The following FRMD4B variants were observed in gnomAD, a reference collection of about 807,000 sequenced individuals.
FRMD4B encodes the protein FERM domain containing 4B.
A neutral mutation model predicts 141.5 loss-of-function variants in FRMD4B; 74 were observed. The observed-to-expected ratio is 0.52, with a 90% CI of 0.43 to 0.63. The LOEUF (loss-of-function observed/expected upper bound fraction) is 0.63. Ranked by LOEUF, FRMD4B falls within the 30% of genes least tolerant of loss-of-function variation. FRMD4B has a pLI of 0.00. For missense variants in FRMD4B, 1,366 were observed against 1,253.4 expected (o/e 1.09, Z -1.36); for synonymous variants, 506 against 467.9 (o/e 1.08, Z -1.05).
intron 1 of FRMD4B, chr3:69,376,964 A>C (rs1703988259): frequency 6.6e-6 from 1 of 152,066 alleles, no homozygotes; most frequent in Non-Finnish European, 1.5e-5. Context: ...ATGGAATGTG[A>C]AAAACAAACA....
chr3:69,346,924 T>C (rs551763256), intron 1 of FRMD4B, among the ~76,000 whole-genome samples: 1 of 152,242 alleles, frequency 6.6e-6, no homozygotes, highest in East Asian at 1.9e-4. Flanking sequence ...CTGCATCAAC[T>C]AACGAGCAAA....
intron 3 of FRMD4B, among the ~76,000 whole-genome samples, chr3:69,310,101 T>C (rs1701527436): frequency 6.6e-6 from 1 of 152,182 alleles, no homozygotes; most frequent in African/African-American, 2.4e-5. Flanking sequence ...TTCTGCCTTG[T>C]TGAGCCCTCT....
intron 7 of FRMD4B, among the ~76,000 whole-genome samples, chr3:69,243,033 T>C (rs2093398033): frequency 6.7e-6 from 1 of 150,304 alleles, no homozygotes; most frequent in Non-Finnish European, 1.5e-5. Flanking sequence ...TACAAACTCA[T>C]TTGTGGCTGG....
intron 1 of FRMD4B, among the ~76,000 whole-genome samples, chr3:69,371,579 A>C (rs1370881514): frequency 6.6e-6 from 1 of 152,164 alleles, no homozygotes; most frequent in Non-Finnish European, 1.5e-5. Context: ...ACCAGTTAGG[A>C]AGCTATTGCA....
intron 4 of FRMD4B, among the ~76,000 whole-genome samples, chr3:69,301,262 A>G (rs576423328): frequency 6.6e-6 from 1 of 152,324 alleles, no homozygotes; most frequent in African/African-American, 2.4e-5. Context: ...GAGGGCTTTC[A>G]GCTCAATCAG....
At chr3:69,183,680 C>T (rs1215793889) in intron 19 of FRMD4B, among the ~76,000 whole-genome samples, 1 of 151,776 alleles carries the variant, frequency 6.6e-6, no homozygotes, top group Non-Finnish European at 1.5e-5. Context: ...GACAGGGTTT[C>T]ACCTTGTTAG....
intron 1 of FRMD4B, among the ~76,000 whole-genome samples, chr3:69,331,752 T>C (rs1227776168): frequency 1.3e-5 from 2 of 152,102 alleles, no homozygotes; most frequent in Admixed American, 1.3e-4. Flanking sequence ...CTATAAATGG[T>C]AATATTAATA....
At chr3:69,193,416 G>A (rs2092862260) in intron 17 of FRMD4B, among the ~76,000 whole-genome samples, 1 of 152,164 alleles carries the variant, frequency 6.6e-6, no homozygotes, top group Non-Finnish European at 1.5e-5. Flanking sequence ...GCTGAGGCAG[G>A]ACAATCACTT....
At chr3:69,264,010 A>G (rs571054681) in intron 5 of FRMD4B, among the ~76,000 whole-genome samples, 36 of 151,120 alleles carry the variant, frequency 2.4e-4, no homozygotes, top group Admixed American at 1.3e-3. Context: ...ATTTTTAGAG[A>G]CTGGGTTTTG....
intron 2 of FRMD4B, among the ~76,000 whole-genome samples, chr3:69,403,338 C>G (rs754243608): frequency 1.3e-5 from 2 of 152,216 alleles, no homozygotes; most frequent in African/African-American, 2.4e-5. Flanking sequence ...AGTATTCTCA[C>G]TGTCCCCATT....
At chr3:69,362,545 C>T (rs527996449) in intron 1 of FRMD4B, among the ~76,000 whole-genome samples, 4 of 152,168 alleles carry the variant, frequency 2.6e-5, no homozygotes, top group East Asian at 3.9e-4. Flanking sequence ...GGCACGGTGG[C>T]GCATGCCTGT....
chr3:69,397,463 G>A (rs1257380838), intron 2 of FRMD4B, among the ~76,000 whole-genome samples: 1 of 152,176 alleles, frequency 6.6e-6, no homozygotes, highest in Non-Finnish European at 1.5e-5. Context: ...CTTTAAAAGA[G>A]TGAATTTTAT....
intron 1 of FRMD4B, among the ~76,000 whole-genome samples, chr3:69,343,583 T>TG (rs1559818219): frequency 2.3e-5 from 1 of 42,854 alleles, no homozygotes; most frequent in African/African-American, 8.8e-5. Context: ...TTTTGTTTTT[T>TG]TTTTTTTTTT....
intron 11 of FRMD4B, among the ~76,000 whole-genome samples, chr3:69,202,797 G>A (rs2092982279): frequency 6.6e-6 from 1 of 152,128 alleles, no homozygotes; most frequent in South Asian, 2.1e-4. Flanking sequence ...AAAGAAGGAT[G>A]TAGAGAGTGA....
At chr3:69,464,181 A>G (rs1705747810) in intron 1 of FRMD4B, among the ~76,000 whole-genome samples, 1 of 152,368 alleles carries the variant, frequency 6.6e-6, no homozygotes, top group African/African-American at 2.4e-5. Flanking sequence ...ACTGATTTGT[A>G]TTAAACTTTT....
chr3:69,261,066 T>C (rs892089376), intron 5 of FRMD4B, among the ~76,000 whole-genome samples: 1 of 152,198 alleles, frequency 6.6e-6, no homozygotes, highest in Non-Finnish European at 1.5e-5. Context: ...CAGAGCCAGA[T>C]TTCGCAACCT....
chr3:69,329,250 A>G (rs1702281905), intron 1 of FRMD4B, among the ~76,000 whole-genome samples: 1 of 152,210 alleles, frequency 6.6e-6, no homozygotes, highest in South Asian at 2.1e-4. Context: ...ACTATTTTAA[A>G]TCTCTAAAAT....
intron 5 of FRMD4B, among the ~76,000 whole-genome samples, chr3:69,267,636 TAGAGAGAGAGAGAGAGAGAG>T (rs55659743): frequency 2.8e-3 from 93 of 32,920 alleles, no homozygotes; most frequent in Non-Finnish European, 3.4e-3. Context: ...TATATATATA[TAGAGAGAGAGAGAGAGAGAG>T]AGAGAGAGAG....
rs2093451481 is a variant in FRMD4B, at chr3:69,250,060, C to T, written c.541G>A (p.Ala181Thr). 6.2e-7 allele frequency: 1 copy of T among 1,610,732 alleles called. No homozygotes were observed. Among genetic ancestry groups the T allele is most frequent in the Non-Finnish European group, 8.5e-7 (1 of 1,176,940 alleles). ...AATCTTACCTGTAAAATAAACGCTGCTAACTTGAAGATGGTTTCGCTCTCT... is the reference window on the plus strand; with the variant it reads ...AATCTTACCTGTAAAATAAACGCTGTTAACTTGAAGATGGTTTCGCTCTCT... ...EVESETIFKL[A>T]AFILQEAKGD... Residue 181 changes from alanine (A) to threonine (T), a missense_variant, in exon 6 of 23, where the codon GCA (alanine) becomes ACA (threonine). By Grantham distance (58) the Ala-to-Thr change is moderately conservative (BLOSUM62 0). Transcript: ENST00000398540.
Sources: gnomAD v4.1 joint callset for allele counts (sites outside exome capture counted in the v4.1 genomes callset) on GRCh38, gnomAD v4.1.1 for gene constraint, MANE v1.5 for transcripts, NCBI Gene and HGNC (gene_info 2026-07-23, HGNC 2026-07-21) for gene names.